The following QKI variants were observed in gnomAD, a reference collection of about 807,000 sequenced individuals.
The protein encoded by QKI is KH domain-containing RNA-binding protein QKI.
Under a neutral mutation model 39.0 loss-of-function variants are expected in QKI, and 10 were observed. The observed-to-expected ratio is 0.26, with a 90% CI of 0.16 to 0.43. The LOEUF (loss-of-function observed/expected upper bound fraction) is 0.43. Ranked by LOEUF, QKI falls within the 20% of genes least tolerant of loss-of-function variation. The pLI, the probability that QKI is intolerant of heterozygous loss-of-function variation, is 1.00. For synonymous variants in QKI, 204 were observed against 155.4 expected (o/e 1.31, Z -2.33); for missense variants, 218 against 428.0 (o/e 0.51, Z 4.33).
At chr6:163,526,951 G>A (rs1225729103) in intron 3 of QKI, among the ~76,000 whole-genome samples, 3 of 152,184 alleles carry the variant, frequency 2.0e-5, no homozygotes, top group Non-Finnish European at 4.4e-5. Flanking sequence ...TACTGTGTCT[G>A]TAGGAGATAG....
rs1777684219 is a variant in QKI at position 163,578,118 on chromosome 6, A to G, written c.*7408A>G. The stretch of plus-strand genomic sequence containing the variant: ...AAGCGCTTATTTTTACATGCTACAC[A>G]ACAGTTCCAATTTTAAGGAGTGTCT... On this transcript the variant is annotated 3_prime_UTR_variant, in exon 8 of 8. Transcript: ENST00000361752. The G allele has an allele frequency of 6.6e-6, 1 of 152,188 alleles. No individual in the cohort carries two copies. The highest frequency in any genetic ancestry group is 1.5e-5 in the Non-Finnish European group (1 of 68,034). 9.4% of individuals were successfully genotyped at this position (152,188 alleles called of 1,614,324 possible). A position where few individuals can be genotyped will look rare whatever the true frequency, so the allele number is the denominator to read the frequency against.
Position 163,577,139 on chromosome 6 carries a change from T to C in QKI, c.*6429T>C, listed in dbSNP as rs1777626038. On this transcript the variant is annotated 3_prime_UTR_variant, in exon 8 of 8. Coordinates refer to ENST00000361752, the MANE Select transcript of QKI (RefSeq NM_006775.3). ...GAAACCTTTACGAGTCTTTAACATC[T>C]AAATGTTATGACTCCTTGTACCTTA... 6.6e-6 allele frequency: 1 copy of C among 152,192 alleles called. No homozygotes were observed. The highest frequency in any genetic ancestry group is 1.5e-5 in the Non-Finnish European group (1 of 68,032). The allele number at this position is 152,192 out of a possible 1,614,324, so 9.4% of individuals were successfully genotyped here. A position where few individuals can be genotyped will look rare whatever the true frequency, so the allele number is the denominator to read the frequency against.
intron 3 of QKI, among the ~76,000 whole-genome samples, chr6:163,513,482 C>T (rs777002064): frequency 2.0e-5 from 3 of 152,220 alleles, no homozygotes; most frequent in East Asian, 1.9e-4. Flanking sequence ...AAACTTATTT[C>T]GTCCTGTCAT....
At chr6:163,480,260 T>A (rs1419639166) in intron 3 of QKI, among the ~76,000 whole-genome samples, 6 of 146,946 alleles carry the variant, frequency 4.1e-5, no homozygotes, top group Non-Finnish European at 3.0e-5. Context: ...TCTGTCTCTT[T>A]CTCTCTCTCT....
intron 2 of QKI, among the ~76,000 whole-genome samples, chr6:163,463,667 AGATT>A (rs761900175): frequency 5.3e-5 from 8 of 152,340 alleles, no homozygotes; most frequent in Non-Finnish European, 8.8e-5. Context: ...TGAGGAAGAT[AGATT>A]ATCACTCTAG....
At chr6:163,529,172 G>T (rs1322443006) in intron 3 of QKI, among the ~76,000 whole-genome samples, 2 of 152,086 alleles carry the variant, frequency 1.3e-5, no homozygotes, top group Admixed American at 1.3e-4. Context: ...TGTACACCTG[G>T]TAACTAAGGA....
chr6:163,483,434 A>G (rs1793235289), intron 3 of QKI, among the ~76,000 whole-genome samples: 1 of 152,178 alleles, frequency 6.6e-6, no homozygotes, highest in Admixed American at 6.5e-5. Flanking sequence ...TTTTGATAGC[A>G]TTTTACCCAC....
intron 2 of QKI, among the ~76,000 whole-genome samples, chr6:163,459,779 T>C (rs191176168): frequency 1.3e-4 from 20 of 152,276 alleles, no homozygotes; most frequent in Admixed American, 1.2e-3. Context: ...AGTTCAGTCT[T>C]GTGTGAAGGA....
intron 4 of QKI, among the ~76,000 whole-genome samples, chr6:163,537,645 C>T (rs1348713707): frequency 1.3e-5 from 2 of 152,124 alleles, no homozygotes; most frequent in Non-Finnish European, 2.9e-5. Context: ...TTTTCTTGTT[C>T]GTTCAGTATT....
chr6:163,440,795 A>C (rs993811993), intron 1 of QKI, among the ~76,000 whole-genome samples: 3 of 152,190 alleles, frequency 2.0e-5, no homozygotes, highest in Non-Finnish European at 4.4e-5. Flanking sequence ...AGTGCCTGGT[A>C]CAGAGTAGGT....
intron 3 of QKI, among the ~76,000 whole-genome samples, chr6:163,482,186 G>C (rs1274349467): frequency 1.3e-5 from 2 of 151,888 alleles, no homozygotes; most frequent in Admixed American, 1.3e-4. Context: ...CTCTGTCTCG[G>C]GGGAAAAAAG....
In QKI at chr6:163,578,575, AGTT is replaced by A. The variant is rs1777710375; in HGVS notation, c.*7868_*7870del. 1 of 152,240 alleles carries A rather than the reference AGTT, an allele frequency of 6.6e-6. No homozygotes were observed. The highest frequency in any genetic ancestry group is 2.4e-5 in the African/African-American group (1 of 41,460). 9.4% of individuals were successfully genotyped at this position (152,240 alleles called of 1,614,324 possible). The stretch of plus-strand genomic sequence containing the variant: ...TCACTGAGGTAAAACAGCATTAAAA[AGTT>A]GTCCAGAATTTAAACTGACTCTAGA... On this transcript the variant is annotated 3_prime_UTR_variant, in exon 8 of 8. Coordinates refer to ENST00000361752, the MANE Select transcript of QKI (RefSeq NM_006775.3).
At chr6:163,524,973 T>G (rs1015987162) in intron 3 of QKI, among the ~76,000 whole-genome samples, 8 of 152,232 alleles carry the variant, frequency 5.3e-5, no homozygotes, top group Admixed American at 4.6e-4. Context: ...GAAGCATAGA[T>G]AAATTCAAGC....
chr6:163,455,581 T>C (rs2128219279), intron 2 of QKI, among the ~76,000 whole-genome samples, 160 bp downstream of exon 2: 1 of 152,356 alleles, frequency 6.6e-6, no homozygotes, highest in South Asian at 2.1e-4. Context: ...AAAAAATTTC[T>C]CTCTAAATAT....
chr6:163,475,332 T>C (rs1221632293), intron 2 of QKI, among the ~76,000 whole-genome samples: 1 of 152,202 alleles, frequency 6.6e-6, no homozygotes, highest in Non-Finnish European at 1.5e-5. Flanking sequence ...TACTGAAATA[T>C]ACAAATTTTT....
chr6:163,417,703 C>T (rs77391768), intron 1 of QKI, among the ~76,000 whole-genome samples: 4,243 of 152,272 alleles, frequency 0.028, 194 homozygotes, highest in African/African-American at 0.096. Context: ...GTTTCCCCTT[C>T]CCCTTTTAAT....
chr6:163,488,352 A>G lies in QKI; in HGVS notation c.402+9456A>G, dbSNP rs78059038. On this transcript the variant is annotated intron_variant, in intron 3 of 7. Coordinates refer to ENST00000361752, the MANE Select transcript of QKI (RefSeq NM_006775.3). ...GACAAAAAAAAAGAGAGAGAGAGAG[A>G]AAGAAATAGTGCAGAGATTATAGTC... Among the ~76,000 whole-genome samples, 64 of 152,286 alleles carry G rather than the reference A, an allele frequency of 4.2e-4. No homozygotes were observed. The East Asian group carries it at 0.011, about 26-fold the overall frequency.
chr6:163,425,762 G>A lies in QKI; in HGVS notation c.142+10427G>A, dbSNP rs75429339. 2.1e-3 allele frequency among the ~76,000 whole-genome samples: 320 copies of A among 152,236 alleles called. 6 individuals carry two copies. In the East Asian group the frequency reaches 0.033, roughly 16 times the overall value. The stretch of plus-strand genomic sequence containing the variant: ...GATTGAGAACATGTGGGGCTCATTT[G>A]TTTAGCTGTCAGAGCCCAATTTTTA... On this transcript the variant is annotated intron_variant, in intron 1 of 7. Coordinates refer to ENST00000361752, the MANE Select transcript of QKI (RefSeq NM_006775.3).
intron 6 of QKI, chr6:163,564,426 A>G (rs1783226456): frequency 3.6e-6 from 5 of 1,384,642 alleles, no homozygotes; most frequent in Non-Finnish European, 9.3e-7. Flanking sequence ...TTATGCAGGC[A>G]TGACTGTAGT....
Sources: allele counts gnomAD v4.1 joint callset (sites outside exome capture counted in the v4.1 genomes callset), GRCh38; gene constraint gnomAD v4.1.1; transcripts MANE v1.5; gene names NCBI Gene and HGNC (gene_info 2026-07-23, HGNC 2026-07-21).